ZMIZ2: variants seen among roughly 807,000 people sequenced by gnomAD.
The protein encoded by ZMIZ2 is zinc finger MIZ domain-containing protein 2.
ZMIZ2 carries 26 observed loss-of-function variants against 93.9 expected under a neutral mutation model. That is an observed-to-expected ratio of 0.28 (90% CI 0.20 to 0.38). ZMIZ2 has a LOEUF of 0.38. ZMIZ2 is among the 10% of genes least tolerant of loss of function. ZMIZ2 has a pLI of 1.00. For synonymous variants in ZMIZ2, 485 were observed against 516.4 expected, an observed-to-expected ratio of 0.94 and a Z score of 0.82; for missense variants, 1,023 against 1,235.0, an observed-to-expected ratio of 0.83 and a Z score of 2.57.
chr7:44,752,456 T>C (rs112582783), intron 1 of ZMIZ2, among the ~76,000 whole-genome samples: 72 of 152,320 alleles, frequency 4.7e-4, no homozygotes, highest in Non-Finnish European at 6.6e-4. Flanking sequence ...TGCCTTCTTA[T>C]ATTCACGCCC....
At position 44,766,694 on chromosome 7, in the gene ZMIZ2, G is replaced by A. The variant is rs777185370; in HGVS notation, c.2655+31G>A. On this transcript the variant is annotated intron_variant, in intron 18 of 18. Coordinates refer to ENST00000309315, the MANE Select transcript of ZMIZ2 (RefSeq NM_031449.4). The surrounding 1 kb of genome is among the most constrained non-coding windows in gnomAD (Gnocchi z 4.4). ...TACCAGGCCCCATGCGGGGGAGTGCGTGGGAGCCAGGGCTAGAGGTGGTGT... is the reference window on the plus strand; with the variant it reads ...TACCAGGCCCCATGCGGGGGAGTGCATGGGAGCCAGGGCTAGAGGTGGTGT... The A allele has an allele frequency of 2.2e-5, 35 of 1,608,190 alleles. No homozygotes were observed. Among genetic ancestry groups the A allele is most frequent in the African/African-American group, 2.7e-5 (2 of 74,782 alleles).
At chr7:44,753,788 T>C (rs1790359031) in intron 1 of ZMIZ2, among the ~76,000 whole-genome samples, 1 of 152,242 alleles carries the variant, frequency 6.6e-6, no homozygotes. Flanking sequence ...TTCCTGAATA[T>C]TTTATAGATT....
intron 6 of ZMIZ2, among the ~76,000 whole-genome samples, 197 bp from the exon 7 acceptor site, chr7:44,759,084 T>TAAAAAAA (rs71563954): frequency 2.1e-5 from 2 of 97,502 alleles, no homozygotes; most frequent in South Asian, 3.6e-4. Context: ...TGTCTCAAAT[T>TAAAAAAA]AAAAAAAAAA....
chr7:44,759,253 C>T (rs959880853), intron 6 of ZMIZ2, 28 bp from the exon 7 acceptor site: 1 of 1,467,432 alleles, frequency 6.8e-7, no homozygotes, highest in South Asian at 1.4e-5. Flanking sequence ...CCTTTTTTCT[C>T]CCCTCGGGCA....
At chr7:44,759,824 A>C (rs1410258639) in intron 7 of ZMIZ2, 9 of 456,182 alleles carry the variant, frequency 2.0e-5, no homozygotes, top group African/African-American at 1.6e-4. Context: ...ATCCATTGAG[A>C]GGACAGGCCC....
intron 9 of ZMIZ2, among the ~76,000 whole-genome samples, chr7:44,760,923 T>TTGTTC (rs1484806807): frequency 1.3e-5 from 2 of 152,158 alleles, no homozygotes; most frequent in Non-Finnish European, 2.9e-5. Flanking sequence ...CTTCACCTTT[T>TTGTTC]TGTTCTGTTT....
In ZMIZ2 at chr7:44,761,987, G is replaced by C. The variant is rs1047734741; in HGVS notation, c.1596+82G>C. 7.1e-7 allele frequency: 1 copy of C among 1,402,790 alleles called. No homozygotes were observed. The highest frequency in any genetic ancestry group is 2.6e-5 in the East Asian group (1 of 37,762). 86.9% of individuals were successfully genotyped at this position (1,402,790 alleles called of 1,614,324 possible). A position where few individuals can be genotyped will look rare whatever the true frequency, so the allele number is the denominator to read the frequency against. ...CCTGGCCCAGCGGTGCCGTGGGGTG[G>C]GGCGGGGTGTGGGCGGGGCCTGGCC... On this transcript the variant is annotated intron_variant, in intron 11 of 18. Transcript: ENST00000309315. This position sits in a 1 kb window ranked among gnomAD's most constrained non-coding sequence, Gnocchi z 5.8.
intron 3 of ZMIZ2, 121 bp from the exon 4 acceptor site, chr7:44,756,826 C>A: frequency 8.0e-7 from 1 of 1,245,724 alleles, no homozygotes; most frequent in Non-Finnish European, 1.2e-6. Flanking sequence ...GTGCTATACC[C>A]TGTCCCCCCC....
chr7:44,759,430 C>T lies in ZMIZ2; in HGVS notation c.963C>T (p.Ser321=), dbSNP rs758324878. The T allele has an allele frequency of 1.6e-5, 26 of 1,580,620 alleles. No homozygotes were observed. The highest frequency in any genetic ancestry group is 1.7e-4 in the Middle Eastern group (1 of 5,928). ...AGCAGGGCATGACCCAGTCCCTGTC[C>T]GTGCCTGGCCCCACGGGACTGCATT... ...PLQQGMTQSL[S]VPGPTGLHYK... is the part of the protein sequence containing the mutation. Residue 321 remains serine (S), a synonymous_variant, in exon 7 of 19, where the codon TCC becomes TCT. Coordinates refer to ENST00000309315, the MANE Select transcript of ZMIZ2 (RefSeq NM_031449.4).
At chr7:44,767,399 G>T in intron 18 of ZMIZ2, 117 bp from the exon 19 acceptor site, 1 of 895,258 alleles carries the variant, frequency 1.1e-6, no homozygotes, top group African/African-American at 1.6e-5. Context: ...TGTGAGGAGG[G>T]GCTGCTCAGC....
intron 1 of ZMIZ2, 104 bp downstream of exon 1, chr7:44,749,095 G>GGGCA (rs1393979094): frequency 6.6e-6 from 1 of 152,488 alleles, no homozygotes; most frequent in African/African-American, 2.4e-5. Flanking sequence ...AGGTGCGGGC[G>GGGCA]GGCAGGCAGG....
chr7:44,754,828 C>T (rs535807699), intron 1 of ZMIZ2, among the ~76,000 whole-genome samples: 1 of 152,172 alleles, frequency 6.6e-6, no homozygotes, highest in African/African-American at 2.4e-5. Context: ...CCTGGGGACT[C>T]CTGAGAAACA....
chr7:44,750,727 C>T (rs1456992771), intron 1 of ZMIZ2, among the ~76,000 whole-genome samples: 3 of 151,842 alleles, frequency 2.0e-5, no homozygotes, highest in Non-Finnish European at 4.4e-5. Flanking sequence ...AAGATGTGAT[C>T]TGACCCCCGA....
In ZMIZ2 at chr7:44,766,791, A is replaced by G. The variant is rs1216294474; in HGVS notation, c.2655+128A>G. On this transcript the variant is annotated intron_variant, in intron 18 of 18. Transcript: ENST00000309315. The surrounding 1 kb of genome is among the most constrained non-coding windows in gnomAD (Gnocchi z 4.4). ...GAGCCGGTCAGATAAGGTCAACTAAATGCAGCTTTTGTTCATGAATTAGAT... is the reference window on the plus strand; with the variant it reads ...GAGCCGGTCAGATAAGGTCAACTAAGTGCAGCTTTTGTTCATGAATTAGAT... 5.6e-6 allele frequency: 8 copies of G among 1,429,254 alleles called. No individual in the cohort carries two copies. Among genetic ancestry groups the G allele is most frequent in the African/African-American group, 1.4e-5 (1 of 70,036 alleles). The allele number at this position is 1,429,254 out of a possible 1,614,324, so 88.5% of individuals were successfully genotyped here. A position where few individuals can be genotyped will look rare whatever the true frequency, so the allele number is the denominator to read the frequency against.
chr7:44,761,954 T>TGGTGGGGCCTGGCCC lies in ZMIZ2; in HGVS notation c.1596+50_1596+64dup. ...CGGTGCTGTGGCGTGGGGCGGGGTG[T>TGGTGGGGCCTGGCCC]GGTGGGGCCTGGCCCAGCGGTGCCG... is the stretch of plus-strand genomic sequence containing the variant. On this transcript the variant is annotated intron_variant, in intron 11 of 18. Coordinates refer to ENST00000309315, the MANE Select transcript of ZMIZ2 (RefSeq NM_031449.4). The surrounding 1 kb of genome is among the most constrained non-coding windows in gnomAD (Gnocchi z 5.8). 1 of 897,800 alleles carries TGGTGGGGCCTGGCCC rather than the reference T, an allele frequency of 1.1e-6. No homozygotes were observed. Among genetic ancestry groups the TGGTGGGGCCTGGCCC allele is most frequent in the Middle Eastern group, 4.4e-4 (1 of 2,280 alleles). The allele number at this position is 897,800 out of a possible 1,614,324, so 55.6% of individuals were successfully genotyped here. A position where few individuals can be genotyped will look rare whatever the true frequency, so the allele number is the denominator to read the frequency against.
chr7:44,764,569 C>G (rs1791509807), intron 14 of ZMIZ2, 83 bp downstream of exon 14: 2 of 1,461,024 alleles, frequency 1.4e-6, no homozygotes, highest in Admixed American at 1.8e-5. Context: ...ACAGCATCAT[C>G]AAAGATACGA....
At position 44,767,648 on chromosome 7, in the gene ZMIZ2, G is replaced by A. The variant is rs80315700; in HGVS notation, c.*25G>A. The A allele has an allele frequency of 1.5e-5, 24 of 1,597,756 alleles. No individual in the cohort carries two copies. The highest frequency in any genetic ancestry group is 1.7e-4 in the Middle Eastern group (1 of 6,026). The stretch of plus-strand genomic sequence containing the variant: ...ATCCTGTGTTTACCCCAAGCCCGGC[G>A]GGGACACGCTCACAGATGTCACCAC... On this transcript the variant is annotated 3_prime_UTR_variant, in exon 19 of 19. Coordinates refer to ENST00000309315, the MANE Select transcript of ZMIZ2 (RefSeq NM_031449.4).
chr7:44,765,419 G>T lies in ZMIZ2; in HGVS notation c.2082G>T (p.Glu694Asp), dbSNP rs745867349. The change falls in exon 16 of 19, where the codon GAG becomes GAT. Residue 694 changes from glutamate (E) to aspartate (D), a missense_variant. Physicochemically the swap from Glu to Asp is conservative, Grantham distance 45 (BLOSUM62 2). This residue lies in a region of ZMIZ2 where 319 missense variants were observed against 358.8 expected (regional missense o/e 0.89). Transcript: ENST00000309315. The surrounding 1 kb of genome is among the most constrained non-coding windows in gnomAD (Gnocchi z 4.1). Reference protein sequence around the residue: ...PVKPDMHIKEEPDGPALKRCR... With the variant: ...PVKPDMHIKEDPDGPALKRCR... ...AGCCTGACATGCACATCAAGGAGGA[G>T]CCGGATGGGCCAGCACTGAAGCGCT... 2.5e-6 allele frequency: 4 copies of T among 1,611,608 alleles called. No individual in the cohort carries two copies. The highest frequency in any genetic ancestry group is 3.4e-6 in the Non-Finnish European group (4 of 1,179,984).
In ZMIZ2 at chr7:44,764,435, C is replaced by T. The variant is rs1405506739; in HGVS notation, c.1877C>T (p.Ser626Leu). ...TCTCTACAGTGCTTTGACCTGGAGT[C>T]GTACCTGCAGCTCAACTGTGAGCGG... Reference protein sequence around the residue: ...CRHIQCFDLESYLQLNCERGT... With the variant: ...CRHIQCFDLELYLQLNCERGT... The change falls in exon 14 of 19, where the codon TCG (serine) becomes TTG (leucine). Residue 626 changes from serine (S) to leucine (L), a missense_variant. Ser to Leu is a moderately radical substitution (Grantham distance 145). This residue lies in a region of ZMIZ2 where 48 missense variants were observed against 99.1 expected (regional missense o/e 0.48). Coordinates refer to ENST00000309315, the MANE Select transcript of ZMIZ2 (RefSeq NM_031449.4). 9 of 1,614,094 alleles carry T rather than the reference C, an allele frequency of 5.6e-6. No individual in the cohort carries two copies. The highest frequency in any genetic ancestry group is 6.8e-6 in the Non-Finnish European group (8 of 1,180,036).
Sources: gnomAD v4.1 joint callset for allele counts (sites outside exome capture counted in the v4.1 genomes callset) on GRCh38, gnomAD v4.1.1 for gene constraint, gnomAD v4.1.1 regional missense constraint, Gnocchi (gnomAD v3.1) non-coding constraint, MANE v1.5 for transcripts, NCBI Gene and HGNC (gene_info 2026-07-23, HGNC 2026-07-21) for gene names.